PEMT: variants seen among roughly 807,000 people sequenced by gnomAD.
The protein encoded by PEMT is phosphatidylethanolamine N-methyltransferase.
A neutral mutation model predicts 27.4 loss-of-function variants in PEMT; 23 were observed. The observed-to-expected ratio is 0.84, with a 90% confidence interval of 0.60 to 1.19. The LOEUF (loss-of-function observed/expected upper bound fraction) is 1.19, where lower values mean the gene tolerates loss of function less well. PEMT is among the 50% of genes most tolerant of loss of function. PEMT has a pLI of 0.00. For missense variants in PEMT, 307 were observed against 310.1 expected (o/e 0.99, Z 0.07); for synonymous variants, 137 against 139.1 (o/e 0.98, Z 0.11).
At chr17:17,577,935 T>C (rs1911730262) in intron 1 of PEMT, among the ~76,000 whole-genome samples, 1 of 148,334 alleles carries the variant, frequency 6.7e-6, no homozygotes, top group Non-Finnish European at 1.5e-5. Flanking sequence ...GAGAATGGCA[T>C]GAACCTGGGA....
At chr17:17,516,722 C>G (rs1451458993) in intron 3 of PEMT, among the ~76,000 whole-genome samples, 1 of 152,138 alleles carries the variant, frequency 6.6e-6, no homozygotes, top group African/African-American at 2.4e-5. Context: ...CCAGCCTGGT[C>G]TACCAGGGCC....
chr17:17,505,977 C>A, intron 6 of PEMT, 129 bp from the exon 7 acceptor site: 1 of 1,386,562 alleles, frequency 7.2e-7, no homozygotes, highest in Non-Finnish European at 9.6e-7. Flanking sequence ...CCCCCAGAGC[C>A]ACTGGGGCAA....
chr17:17,522,614 CGGACAACAA>C (rs1055086879), intron 2 of PEMT, among the ~76,000 whole-genome samples: 2 of 152,212 alleles, frequency 1.3e-5, no homozygotes, highest in African/African-American at 4.8e-5. Context: ...TTCATCTGGA[CGGACAACAA>C]GGTCCTTCTG....
chr17:17,528,224 C>T (rs1413022167), intron 2 of PEMT, among the ~76,000 whole-genome samples: 2 of 152,214 alleles, frequency 1.3e-5, no homozygotes, highest in Non-Finnish European at 2.9e-5. Context: ...TCCCGAACCG[C>T]CCCCATCTCG....
intron 2 of PEMT, among the ~76,000 whole-genome samples, chr17:17,554,328 C>A (rs1025196034): frequency 1.3e-5 from 2 of 152,172 alleles, no homozygotes; most frequent in African/African-American, 4.8e-5. Flanking sequence ...AAGATGCTGC[C>A]CCAGATGTTC....
chr17:17,536,811 G>A (rs1428087628), intron 2 of PEMT, among the ~76,000 whole-genome samples: 3 of 152,228 alleles, frequency 2.0e-5, no homozygotes, highest in Admixed American at 1.3e-4. Flanking sequence ...TGGTATGGCC[G>A]GGAGCAGGAT....
At chr17:17,577,134 G>A (rs763964934) in intron 1 of PEMT, 107 bp from the exon 2 acceptor site, 51 of 790,342 alleles carry the variant, frequency 6.5e-5, no homozygotes, top group Non-Finnish European at 9.9e-5. Context: ...GGAGGCCTGG[G>A]AACATCCAAG....
intron 4 of PEMT, among the ~76,000 whole-genome samples, chr17:17,510,990 C>G (rs1370480854): frequency 6.6e-6 from 1 of 152,160 alleles, no homozygotes; most frequent in African/African-American, 2.4e-5. Context: ...TCCTGAGCCC[C>G]ACCTCTGATC....
In PEMT at chr17:17,581,701, C is replaced by G. The variant is rs1004282275; in HGVS notation, c.97-4674G>C. On this transcript the variant is annotated intron_variant, in intron 1 of 6. Coordinates refer to ENST00000255389, the MANE Select transcript of PEMT (RefSeq NM_148172.3). The stretch of plus-strand genomic sequence containing the variant: ...GCTGGAACGTATCCACCCCCTCCCC[C>G]CTCTCCCTCCTGTGCCCAGGTCCCA... Among the ~76,000 whole-genome samples, 5 of 152,232 alleles carry G rather than the reference C, an allele frequency of 3.3e-5. No homozygotes were observed. The South Asian group carries it at 1.0e-3, about 32-fold the overall frequency.
chr17:17,541,358 C>A (rs2142601413), intron 2 of PEMT, among the ~76,000 whole-genome samples: 1 of 152,348 alleles, frequency 6.6e-6, no homozygotes, highest in South Asian at 2.1e-4. Flanking sequence ...TCTACACATT[C>A]CTAAAACCCA....
chr17:17,525,611 G>A (rs1231554974), intron 2 of PEMT, among the ~76,000 whole-genome samples: 7 of 152,170 alleles, frequency 4.6e-5, no homozygotes. Context: ...CCTAGAGTGG[G>A]GATTCATTTG....
chr17:17,591,683 A>C lies in PEMT; in HGVS notation c.-57T>G. The stretch of plus-strand genomic sequence containing the variant: ...CCCCGCTGCAGCCACGCGCCCCCGG[A>C]ACCGGACCTATAGAGCCGGGTAAGT... On this transcript the variant is annotated 5_prime_UTR_variant, in exon 1 of 7. Coordinates refer to ENST00000255389, the MANE Select transcript of PEMT (RefSeq NM_148172.3). 2 of 1,568,162 alleles carry C rather than the reference A, an allele frequency of 1.3e-6. No homozygotes were observed. Among genetic ancestry groups the C allele is most frequent in the Non-Finnish European group, 1.7e-6 (2 of 1,156,872 alleles).
At chr17:17,549,741 AC>A (rs1160442658) in intron 2 of PEMT, among the ~76,000 whole-genome samples, 1 of 152,232 alleles carries the variant, frequency 6.6e-6, no homozygotes, top group Non-Finnish European at 1.5e-5. Context: ...GCCACAGGCC[AC>A]TTATGATAAC....
intron 2 of PEMT, among the ~76,000 whole-genome samples, chr17:17,560,439 T>A (rs1375979245): frequency 6.6e-6 from 1 of 152,178 alleles, no homozygotes; most frequent in Non-Finnish European, 1.5e-5. Flanking sequence ...TGGCAGAGGT[T>A]ATCGGAAAAG....
At chr17:17,577,899 C>T (rs889140699) in intron 1 of PEMT, among the ~76,000 whole-genome samples, 6 of 151,674 alleles carry the variant, frequency 4.0e-5, no homozygotes, top group African/African-American at 1.5e-4. Context: ...CGCCTGTAGT[C>T]CCAGCTACTC....
At chr17:17,506,557 G>A (rs1431762795) in intron 5 of PEMT, among the ~76,000 whole-genome samples, 1 of 152,232 alleles carries the variant, frequency 6.6e-6, no homozygotes, top group African/African-American at 2.4e-5. Context: ...TTCCCTCAGG[G>A]TGGGGCCTGC....
chr17:17,529,284 C>T (rs552541727), intron 2 of PEMT, among the ~76,000 whole-genome samples: 1 of 152,228 alleles, frequency 6.6e-6, no homozygotes, highest in Non-Finnish European at 1.5e-5. Context: ...GCCCTGGCTC[C>T]TTTCAGATCT....
intron 3 of PEMT, among the ~76,000 whole-genome samples, chr17:17,517,611 A>G (rs1433163038): frequency 2.0e-5 from 3 of 152,250 alleles, no homozygotes; most frequent in Admixed American, 6.5e-5. Flanking sequence ...CCAGGGCCAC[A>G]GTCCCCAAAG....
chr17:17,513,894 T>C lies in PEMT; in HGVS notation c.321-1240A>G, dbSNP rs2142516961. Among the ~76,000 whole-genome samples, 1 of 152,250 alleles carries C rather than the reference T, an allele frequency of 6.6e-6. No homozygotes were observed. Among genetic ancestry groups the C allele is most frequent in the East Asian group, 1.9e-4 (1 of 5,186 alleles). On this transcript the variant is annotated intron_variant, in intron 3 of 6. Transcript: ENST00000255389. The surrounding 1 kb of genome is among the most constrained non-coding windows in gnomAD (Gnocchi z 4.1). Reference sequence around the variant, plus strand: ...CAATAATCACAACACAGAAGAGACATGGAGATCTGCTACCTCACGCAGGGC... The same window carrying C: ...CAATAATCACAACACAGAAGAGACACGGAGATCTGCTACCTCACGCAGGGC...
Sources: allele counts gnomAD v4.1 joint callset (sites outside exome capture counted in the v4.1 genomes callset), GRCh38; gene constraint gnomAD v4.1.1; non-coding constraint Gnocchi (gnomAD v3.1); transcripts MANE v1.5; gene names NCBI Gene and HGNC (gene_info 2026-07-23, HGNC 2026-07-21).